UMODL1: variants seen among roughly 807,000 people sequenced by gnomAD.
UMODL1 encodes uromodulin like 1, also known as uromodulin-like 1.
UMODL1 carries 128 observed loss-of-function variants against 136.3 expected under a neutral mutation model. The observed-to-expected ratio is 0.94, with a 90% CI of 0.81 to 1.09. The LOEUF (loss-of-function observed/expected upper bound fraction) is 1.09, where lower values mean the gene tolerates loss of function less well. UMODL1 is among the 50% of genes least tolerant of loss of function. The pLI is 0.00. For missense variants in UMODL1, 1,766 were observed against 1,725.6 expected, an observed-to-expected ratio of 1.02 and a Z score of -0.41; for synonymous variants, 721 against 720.0, an observed-to-expected ratio of 1.00 and a Z score of -0.02.
intron 2 of UMODL1, among the ~76,000 whole-genome samples, chr21:42,077,580 T>C (rs1372746639): frequency 2.6e-5 from 4 of 152,230 alleles, no homozygotes; most frequent in Admixed American, 6.5e-5. Flanking sequence ...ACACGAGGCT[T>C]TGGGCGTTAT....
At chr21:42,100,519 G>A (rs898893521) in intron 7 of UMODL1, among the ~76,000 whole-genome samples, 2 of 151,888 alleles carry the variant, frequency 1.3e-5, no homozygotes, top group South Asian at 4.1e-4. Flanking sequence ...CTGTGCACGC[G>A]GCATCCCATT....
chr21:42,083,947 C>A, intron 2 of UMODL1, 137 bp from the exon 3 acceptor site: 1 of 1,065,570 alleles, frequency 9.4e-7, no homozygotes, highest in African/African-American at 1.6e-5. Context: ...TCTGCCCAGG[C>A]ATGGGGATGG....
At chr21:42,110,839 G>T in intron 10 of UMODL1, 41 bp from the exon 11 acceptor site, 1 of 1,542,378 alleles carries the variant, frequency 6.5e-7, no homozygotes, top group East Asian at 2.3e-5. Flanking sequence ...TTACTCGTGG[G>T]TGGGATCCAG....
chr21:42,079,676 T>C (rs889332846), intron 2 of UMODL1, among the ~76,000 whole-genome samples: 1 of 152,126 alleles, frequency 6.6e-6, no homozygotes, highest in Non-Finnish European at 1.5e-5. Context: ...CAGGAGACCC[T>C]CCAATCCCTC....
chr21:42,078,969 G>A (rs958191907), intron 2 of UMODL1, among the ~76,000 whole-genome samples: 7 of 152,320 alleles, frequency 4.6e-5, no homozygotes, highest in Middle Eastern at 3.4e-3. Context: ...TCCACTCCTA[G>A]GGGATAGCGG....
In UMODL1 at chr21:42,122,034, G is replaced by A. The variant is rs1196042483; in HGVS notation, c.2828-797G>A. Among the ~76,000 whole-genome samples the A allele has an allele frequency of 6.6e-6, 1 of 152,192 alleles. No homozygotes were observed. The highest frequency in any genetic ancestry group is 1.5e-5 in the Non-Finnish European group (1 of 68,038). ...GCCCAGGGAGGCGGGTGAGGCAGCA[G>A]CCAACTGTGAAGTCCTCAGCAATGG... On this transcript the variant is annotated intron_variant, in intron 16 of 22. Transcript: ENST00000408910. The surrounding 1 kb of genome is among the most constrained non-coding windows in gnomAD (Gnocchi z 4.3).
rs142481877 is a variant in UMODL1 at position 42,103,934 on chromosome 21, G to A, written c.1366G>A (p.Val456Met). 2.3e-4 allele frequency: 372 copies of A among 1,614,154 alleles called. No individual in the cohort carries two copies. The highest frequency in any genetic ancestry group is 1.8e-3 in the African/African-American group (137 of 75,034). Residue 456 changes from valine to methionine, a missense_variant, in exon 9 of 23, where the codon GTG (valine) becomes ATG (methionine). Physicochemically the swap from Val to Met is conservative, Grantham distance 21 (BLOSUM62 1). Transcript: ENST00000408910. ...AAGTGGGAAGCTGAGAATGCAGATC[G>A]TGTCTCTCCAGGCGGGAAGTGTGGT... ...YRSGKLRMQI[V>M]SLQAGSVVVR...
chr21:42,112,901 T>C (rs1601242892), intron 12 of UMODL1: 1 of 152,662 alleles, frequency 6.6e-6, no homozygotes, highest in East Asian at 1.9e-4. Flanking sequence ...TCCATGTTAC[T>C]TGTAGAAGAT....
chr21:42,092,413 T>C lies in UMODL1; in HGVS notation c.931+1975T>C, dbSNP rs2066502799. On this transcript the variant is annotated intron_variant, in intron 6 of 22. Coordinates refer to ENST00000408910, the MANE Select transcript of UMODL1 (RefSeq NM_001004416.3). ...TTTTTGTTTTTTTTTTTAAACCTTA[T>C]TTAAATCCTGCTACATGTGTAATTT... is the stretch of plus-strand genomic sequence containing the variant. Among the ~76,000 whole-genome samples the C allele has an allele frequency of 2.0e-5, 3 of 151,936 alleles. 1 individual carries two copies. Among genetic ancestry groups the C allele is most frequent in the Admixed American group, 6.6e-5 (1 of 15,264 alleles).
In UMODL1 at chr21:42,137,425, G is replaced by T; in HGVS notation, c.3776-14G>T. On this transcript the variant is annotated splice_polypyrimidine_tract_variant and intron_variant, in intron 21 of 22. Transcript: ENST00000408910. Reference sequence around the variant, plus strand: ...TTGTGCAGATCTCTCACCTGTGCCTGTCTCCTCCCCGAGGTGAGCCTCCTC... The same window carrying T: ...TTGTGCAGATCTCTCACCTGTGCCTTTCTCCTCCCCGAGGTGAGCCTCCTC... 6.2e-7 allele frequency: 1 copy of T among 1,613,714 alleles called. No homozygotes were observed. Among genetic ancestry groups the T allele is most frequent in the East Asian group, 2.2e-5 (1 of 44,854 alleles).
Position 42,121,107 on chromosome 21 carries a change from A to G in UMODL1, c.2710A>G (p.Lys904Glu). 1.9e-6 allele frequency: 3 copies of G among 1,613,566 alleles called. No homozygotes were observed. Among genetic ancestry groups the G allele is most frequent in the Non-Finnish European group, 2.5e-6 (3 of 1,179,774 alleles). The change falls in exon 16 of 23, where the codon AAG becomes GAG. Residue 904 changes from lysine (K) to glutamate (E), a missense_variant. Physicochemically the swap from Lys to Glu is moderately conservative, Grantham distance 56. Transcript: ENST00000408910. ...FIQDYDECERKEDDCVPGTSC... is the reference protein window; with the variant it reads ...FIQDYDECEREEDDCVPGTSC... ...TGCAGATTACGATGAGTGTGAAAGG[A>G]AGGAGGACGACTGTGTGCCGGGGAC...
Position 42,119,121 on chromosome 21 carries a change from C to T in UMODL1, c.2486C>T (p.Ser829Phe), listed in dbSNP as rs537061369. The stretch of plus-strand genomic sequence containing the variant: ...CCTCTTTCCCCGCAGGTGCGGGGCT[C>T]CCTGCCAGCCACCATGTGTCAGCAC... Reference protein sequence around the residue: ...LELFFRMVRGSLPATMCQHMD... With the variant: ...LELFFRMVRGFLPATMCQHMD... The change falls in exon 15 of 23, where the codon TCC (serine) becomes TTC (phenylalanine). Residue 829 changes from serine to phenylalanine, a missense_variant. Physicochemically the swap from Ser to Phe is radical, Grantham distance 155. Coordinates refer to ENST00000408910, the MANE Select transcript of UMODL1 (RefSeq NM_001004416.3). The T allele has an allele frequency of 1.8e-5, 29 of 1,612,534 alleles. No individual in the cohort carries two copies. The African/African-American group carries it at 2.0e-4, about 11-fold the overall frequency.
Position 42,097,124 on chromosome 21 carries a change from C to A in UMODL1, c.932-1802C>A, listed in dbSNP as rs544259488. On this transcript the variant is annotated intron_variant, in intron 6 of 22. Transcript: ENST00000408910. ...AAAGAAAATATCATAAAGAATGAAT[C>A]CATGTCTGTTTCCCTGACCAGTATG... 1.4e-3 allele frequency among the ~76,000 whole-genome samples: 208 copies of A among 152,330 alleles called. 3 individuals are homozygous for A. The highest frequency in any genetic ancestry group is 4.9e-3 in the African/African-American group (204 of 41,590).
intron 10 of UMODL1, 31 bp downstream of exon 10, chr21:42,109,730 A>C (rs750684075): frequency 2.4e-5 from 38 of 1,595,118 alleles, no homozygotes; most frequent in Non-Finnish European, 3.2e-5. Flanking sequence ...CGACTCTGGG[A>C]AGACCCCCTG....
chr21:42,111,863 C>T (rs1339909906), intron 12 of UMODL1, among the ~76,000 whole-genome samples, 153 bp downstream of exon 12: 3 of 152,136 alleles, frequency 2.0e-5, no homozygotes, highest in Non-Finnish European at 4.4e-5. Context: ...ACGGAGGCAC[C>T]CAGCAGCTGG....
rs776850981 is a variant in UMODL1 at position 42,123,043 on chromosome 21, G to A, written c.3040G>A (p.Glu1014Lys). 9.9e-6 allele frequency: 16 copies of A among 1,614,094 alleles called. No homozygotes were observed. In the Admixed American group the frequency reaches 1.5e-4, roughly 15 times the overall value. The change falls in exon 17 of 23, where the codon GAG becomes AAG. Residue 1014 changes from glutamate to lysine, a missense_variant. Coordinates refer to ENST00000408910, the MANE Select transcript of UMODL1 (RefSeq NM_001004416.3). The surrounding 1 kb of genome is among the most constrained non-coding windows in gnomAD (Gnocchi z 4.4). ...KRFLQQESIP[E>K]SSLYLSHPSC... ...CTTCCTGCAGCAGGAATCCATCCCC[G>A]AGTCCTCGTTGTACCTCAGCCACCC...
intron 14 of UMODL1, among the ~76,000 whole-genome samples, chr21:42,118,758 G>T (rs975141531): frequency 6.6e-6 from 1 of 152,134 alleles, no homozygotes; most frequent in Non-Finnish European, 1.5e-5. Context: ...CAAACCAGGA[G>T]TATTAGGTTC....
At chr21:42,104,729 C>A (rs145156201) in intron 9 of UMODL1, among the ~76,000 whole-genome samples, 1 of 152,174 alleles carries the variant, frequency 6.6e-6, no homozygotes, top group Non-Finnish European at 1.5e-5. Flanking sequence ...GGATTACAGG[C>A]GTGAGCCACC....
At chr21:42,130,091 G>A (rs906558522) in intron 21 of UMODL1, among the ~76,000 whole-genome samples, 3 of 152,188 alleles carry the variant, frequency 2.0e-5, no homozygotes, top group Non-Finnish European at 4.4e-5. Context: ...CAAGAGGCCA[G>A]GCACAAAGTT....
Sources: allele counts gnomAD v4.1 joint callset (sites outside exome capture counted in the v4.1 genomes callset), GRCh38; gene constraint gnomAD v4.1.1; non-coding constraint Gnocchi (gnomAD v3.1); transcripts MANE v1.5; gene names NCBI Gene and HGNC (gene_info 2026-07-23, HGNC 2026-07-21).